Variants in DHRS9 observed in about 807,000 individuals in gnomAD.
DHRS9 encodes dehydrogenase/reductase 9.
Under a neutral mutation model 26.6 loss-of-function variants are expected in DHRS9, and 18 were observed. The observed-to-expected ratio is 0.68, with a 90% CI of 0.47 to 1.00. The LOEUF (loss-of-function observed/expected upper bound fraction) is 1.00, where lower values mean the gene tolerates loss of function less well. DHRS9 is among the 50% of genes least tolerant of loss of function. The pLI is 0.00. For synonymous variants in DHRS9, 134 were observed against 141.1 expected, an observed-to-expected ratio of 0.95 and a Z score of 0.36; for missense variants, 425 against 378.7, an observed-to-expected ratio of 1.12 and a Z score of -1.01.
chr2:169,091,818 G>T lies in DHRS9; in HGVS notation c.601G>T (p.Val201Phe). ...GGACATGAAAGCTTTTGGTGTGCAC[G>T]TCTCATGCATTGAACCAGGATTGTT... Reference protein sequence around the residue: ...RRDMKAFGVHVSCIEPGLFKT... With the variant: ...RRDMKAFGVHFSCIEPGLFKT... The change falls in exon 4 of 5, where the codon GTC becomes TTC. Residue 201 changes from valine to phenylalanine, a missense_variant. Transcript: ENST00000674881. The T allele has an allele frequency of 6.2e-7, 1 of 1,613,376 alleles. No individual in the cohort carries two copies. Among genetic ancestry groups the T allele is most frequent in the Non-Finnish European group, 8.5e-7 (1 of 1,179,542 alleles).
intron 1 of DHRS9, among the ~76,000 whole-genome samples, chr2:169,079,257 T>C (rs1411924122): frequency 6.6e-6 from 1 of 152,098 alleles, no homozygotes; most frequent in Non-Finnish European, 1.5e-5. Flanking sequence ...AGACATTACA[T>C]TGATTTTTTT....
intron 1 of DHRS9, chr2:169,074,429 G>C (rs2105280823): frequency 1.0e-6 from 1 of 985,366 alleles, no homozygotes; most frequent in East Asian, 1.1e-4. Context: ...CGATAAATTG[G>C]AAGACACAGC....
intron 1 of DHRS9, 46 bp from the exon 2 acceptor site, chr2:169,081,477 C>T (rs1301105325): frequency 6.7e-7 from 1 of 1,503,594 alleles, no homozygotes; most frequent in Non-Finnish European, 8.8e-7. Flanking sequence ...GTTATAATGC[C>T]TTGGTAGTTC....
chr2:169,068,122 TCTC>T (rs1428894689), upstream of DHRS9, among the ~76,000 whole-genome samples: 1 of 152,224 alleles, frequency 6.6e-6, no homozygotes, highest in Non-Finnish European at 1.5e-5. Flanking sequence ...GAGGCTCTCT[TCTC>T]CTCTTAGTGA....
intron 1 of DHRS9, among the ~76,000 whole-genome samples, chr2:169,074,753 A>C (rs1683913473): frequency 6.9e-6 from 1 of 145,524 alleles, no homozygotes; most frequent in Admixed American, 6.8e-5. Context: ...ATCTAGAGGA[A>C]TCTGAACCAG....
At chr2:169,079,062 T>C (rs1684060844) in intron 1 of DHRS9, among the ~76,000 whole-genome samples, 1 of 152,068 alleles carries the variant, frequency 6.6e-6, no homozygotes, top group African/African-American at 2.4e-5. Context: ...TTGGCCAGAC[T>C]GGTCTCAAAC....
In DHRS9 at chr2:169,083,881, A is replaced by G. The variant is rs780764390; in HGVS notation, c.572+294A>G. ...TCTTTGAGTTATTTTTAAATCTGTG[A>G]TAAATTGTTGACTGTAGTCACCCTG... is the stretch of plus-strand genomic sequence containing the variant. On this transcript the variant is annotated intron_variant, in intron 3 of 4. Transcript: ENST00000674881. Among the ~76,000 whole-genome samples, 125 of 152,228 alleles carry G rather than the reference A, an allele frequency of 8.2e-4. 2 individuals are homozygous for G. Among genetic ancestry groups the G allele is most frequent in the Middle Eastern group, 3.4e-3 (1 of 294 alleles).
At chr2:169,070,435 G>T in intron 1 of DHRS9, 2 of 985,400 alleles carry the variant, frequency 2.0e-6, no homozygotes, top group Non-Finnish European at 2.4e-6. Context: ...CAACAATCAA[G>T]TTAGAGTTGT....
At chr2:169,069,852 A>G in intron 1 of DHRS9, 135 bp downstream of exon 1, 2 of 796,530 alleles carry the variant, frequency 2.5e-6, no homozygotes, top group Non-Finnish European at 3.0e-6. Flanking sequence ...CTTTTAATGT[A>G]ACACATTAGA....
At chr2:169,079,454 C>A (rs1329998702) in intron 1 of DHRS9, among the ~76,000 whole-genome samples, 2 of 151,876 alleles carry the variant, frequency 1.3e-5, no homozygotes, top group Admixed American at 1.3e-4. Flanking sequence ...TTACTATCTT[C>A]TTTTTTTCTA....
In DHRS9 at chr2:169,093,343, C is replaced by CACACACAT. The variant is rs1553480614; in HGVS notation, c.736+1390_736+1391insACACACAT. On this transcript the variant is annotated intron_variant, in intron 4 of 4. Transcript: ENST00000674881. The stretch of plus-strand genomic sequence containing the variant: ...CACCATTACCCTAAACACACACACA[C>CACACACAT]GCACACACACACACATGCACACACA... Among the ~76,000 whole-genome samples the CACACACAT allele has an allele frequency of 1.7e-4, 26 of 151,314 alleles. 1 individual carries two copies. Among genetic ancestry groups the CACACACAT allele is most frequent in the African/African-American group, 5.4e-4 (22 of 41,070 alleles).
In DHRS9 at chr2:169,081,854, G is replaced by A; in HGVS notation, c.273G>A (p.Lys91=). The change falls in exon 2 of 5, where the codon AAG becomes AAA. Residue 91 remains lysine, a synonymous_variant. Transcript: ENST00000674881. ...ATGTGACCGACCCAGAGAATGTCAA[G>A]AGGACTGCCCAGTGGGTGAAGAACC... is the stretch of plus-strand genomic sequence containing the variant. ...LLDVTDPENV[K]RTAQWVKNQV... 6.2e-7 allele frequency: 1 copy of A among 1,613,440 alleles called. No homozygotes were observed. Among genetic ancestry groups the A allele is most frequent in the African/African-American group, 1.3e-5 (1 of 75,030 alleles).
At position 169,095,913 on chromosome 2, in the gene DHRS9, C is replaced by T. The variant is rs928187892; in HGVS notation, c.*146C>T. The T allele has an allele frequency of 6.8e-6, 5 of 732,220 alleles. No homozygotes were observed. In the South Asian group the frequency reaches 7.5e-5, roughly 11 times the overall value. The allele number at this position is 732,220 out of a possible 1,614,324, so 45.4% of individuals were successfully genotyped here. A position where few individuals can be genotyped will look rare whatever the true frequency, so the allele number is the denominator to read the frequency against. ...GGATTGCAAAAGGGAGTCCCACCAT[C>T]GCTGGTGGTATCCCAGGGTCCCTGC... On this transcript the variant is annotated 3_prime_UTR_variant, in exon 5 of 5. Coordinates refer to ENST00000674881, the MANE Select transcript of DHRS9 (RefSeq NM_001376924.1).
chr2:169,091,682 C>T (rs139859030), intron 3 of DHRS9, 108 bp from the exon 4 acceptor site: 8 of 1,259,012 alleles, frequency 6.4e-6, no homozygotes, highest in Non-Finnish European at 7.7e-6. Flanking sequence ...TTCAAATGCA[C>T]CCAAATCTGT....
chr2:169,086,656 G>A (rs1684361535), intron 3 of DHRS9, among the ~76,000 whole-genome samples: 1 of 152,048 alleles, frequency 6.6e-6, no homozygotes, highest in South Asian at 2.1e-4. Flanking sequence ...GGTATTTGAA[G>A]GGACTTGGCT....
chr2:169,090,553 G>C (rs989696894), intron 3 of DHRS9, among the ~76,000 whole-genome samples: 5 of 152,106 alleles, frequency 3.3e-5, no homozygotes, highest in Non-Finnish European at 7.4e-5. Flanking sequence ...AACGTTGCTA[G>C]AAAGCAGAAC....
At chr2:169,068,388 C>T (rs998567756), upstream of DHRS9, among the ~76,000 whole-genome samples, 30 of 152,168 alleles carry the variant, frequency 2.0e-4, no homozygotes, top group Non-Finnish European at 2.8e-4. Flanking sequence ...AGGGCAATGG[C>T]GCGATCTTGG....
intron 4 of DHRS9, among the ~76,000 whole-genome samples, chr2:169,092,177 G>T (rs1256243636): frequency 1.3e-5 from 2 of 152,194 alleles, no homozygotes; most frequent in Non-Finnish European, 2.9e-5. Flanking sequence ...AGTGTCTTAT[G>T]AATTATATTA....
chr2:169,083,627 C>T (rs2105293368), intron 3 of DHRS9, 40 bp downstream of exon 3: 1 of 1,600,972 alleles, frequency 6.2e-7, no homozygotes, highest in East Asian at 2.3e-5. Context: ...ACAATAGCTG[C>T]AAACGTTTAC....
Sources: gnomAD v4.1 joint callset for allele counts (sites outside exome capture counted in the v4.1 genomes callset) on GRCh38, gnomAD v4.1.1 for gene constraint, MANE v1.5 for transcripts, NCBI Gene and HGNC (gene_info 2026-07-23, HGNC 2026-07-21) for gene names.